ATXN2L: variants seen among roughly 807,000 people sequenced by gnomAD.
The protein encoded by ATXN2L is ataxin-2-like protein.
ATXN2L carries 24 observed loss-of-function variants against 120.7 expected under a neutral mutation model. That is an observed-to-expected ratio of 0.20 (90% CI 0.14 to 0.28). The LOEUF is 0.28. Ranked by LOEUF, ATXN2L falls within the 10% of genes least tolerant of loss-of-function variation. The probability of loss-of-function intolerance (pLI) is 1.00; values close to 1 mark genes in which losing one functional copy is unlikely to be tolerated. For missense variants in ATXN2L, 1,312 were observed against 1,432.3 expected, an observed-to-expected ratio of 0.92 and a Z score of 1.36; for synonymous variants, 653 against 568.1, an observed-to-expected ratio of 1.15 and a Z score of -2.13.
chr16:28,830,270 T>C (rs1460791264), intron 8 of ATXN2L, among the ~76,000 whole-genome samples: 1 of 152,204 alleles, frequency 6.6e-6, no homozygotes, highest in Non-Finnish European at 1.5e-5. Context: ...TCAAAATTTA[T>C]GTGCTATTTC....
chr16:28,830,084 A>G, intron 8 of ATXN2L, 26 bp downstream of exon 8: 5 of 1,592,470 alleles, frequency 3.1e-6, no homozygotes, highest in South Asian at 2.2e-5. Context: ...AGCCAGGACT[A>G]CTTGGGGCTT....
At position 28,823,247 on chromosome 16, in the gene ATXN2L, G is replaced by T; in HGVS notation, c.-13G>T. ...CTCCCTTCTCTCTAATTCCCCTTCCGGACGCTGCCATCATGTTGAAGCCTC... is the reference window on the plus strand; with the variant it reads ...CTCCCTTCTCTCTAATTCCCCTTCCTGACGCTGCCATCATGTTGAAGCCTC... On this transcript the variant is annotated 5_prime_UTR_variant, in exon 1 of 22. Transcript: ENST00000336783. 2 of 1,422,346 alleles carry T rather than the reference G, an allele frequency of 1.4e-6. No homozygotes were observed. Among genetic ancestry groups the T allele is most frequent in the Non-Finnish European group, 9.2e-7 (1 of 1,084,892 alleles). The allele number at this position is 1,422,346 out of a possible 1,614,324, so 88.1% of individuals were successfully genotyped here. A position where few individuals can be genotyped will look rare whatever the true frequency, so the allele number is the denominator to read the frequency against.
chr16:28,823,936 C>T (rs1299499008), intron 1 of ATXN2L: 1 of 264,810 alleles, frequency 3.8e-6, no homozygotes, highest in African/African-American at 2.3e-5. Flanking sequence ...AATGGGGAGT[C>T]TGCTGCGGGA....
intron 8 of ATXN2L, 54 bp downstream of exon 8, chr16:28,830,112 C>T (rs951753180): frequency 3.9e-6 from 6 of 1,531,500 alleles, no homozygotes; most frequent in South Asian, 3.6e-5. Context: ...TATCCTGGGG[C>T]CTGGGCCCAG....
intron 10 of ATXN2L, 90 bp downstream of exon 10, chr16:28,831,162 G>A (rs1199335968): frequency 1.1e-6 from 1 of 928,772 alleles, no homozygotes. Flanking sequence ...TGGAATGGGA[G>A]ATAATTTTAA....
chr16:28,826,431 A>G (rs749282360), intron 5 of ATXN2L, 41 bp downstream of exon 5: 7 of 1,597,556 alleles, frequency 4.4e-6, no homozygotes, highest in African/African-American at 1.3e-5. Flanking sequence ...CTCTGTGTGC[A>G]TAGAGGACAG....
Position 28,832,253 on chromosome 16 carries a change from C to G in ATXN2L, c.1370C>G (p.Pro457Arg). Reference protein sequence around the residue: ...PRSPKSAAPAPISASCPEPPI... With the variant: ...PRSPKSAAPARISASCPEPPI... The stretch of plus-strand genomic sequence containing the variant: ...TCTCCCAAGTCTGCTGCCCCTGCCC[C>G]AATCTCAGCTTCCTGTCCAGAGCCT... Residue 457 changes from proline to arginine, a missense_variant, in exon 11 of 22, where the codon CCA becomes CGA. Transcript: ENST00000336783. 6.2e-7 allele frequency: 1 copy of G among 1,614,192 alleles called. No homozygotes were observed. The highest frequency in any genetic ancestry group is 1.3e-5 in the African/African-American group (1 of 75,040).
chr16:28,823,446 G>T lies in ATXN2L; in HGVS notation c.187G>T (p.Ala63Ser). The T allele has an allele frequency of 7.6e-7, 1 of 1,323,266 alleles. No homozygotes were observed. Among genetic ancestry groups the T allele is most frequent in the Non-Finnish European group, 9.6e-7 (1 of 1,042,912 alleles). 82.0% of individuals were successfully genotyped at this position (1,323,266 alleles called of 1,614,324 possible). A position where few individuals can be genotyped will look rare whatever the true frequency, so the allele number is the denominator to read the frequency against. ...CGCCTCCCCCTGCCTGGGGCCTGTGGCCGCTGCCGGGAGCGGGCTCCGCCG... is the reference window on the plus strand; with the variant it reads ...CGCCTCCCCCTGCCTGGGGCCTGTGTCCGCTGCCGGGAGCGGGCTCCGCCG... ...AAASPCLGPVAAAGSGLRRGA... is the reference protein window; with the variant it reads ...AAASPCLGPVSAAGSGLRRGA... Residue 63 changes from alanine to serine, a missense_variant, in exon 1 of 22, where the codon GCC becomes TCC. Transcript: ENST00000336783.
Position 28,834,673 on chromosome 16 carries a change from A to G in ATXN2L, c.2413A>G (p.Met805Val), listed in dbSNP as rs751709299. Reference protein sequence around the residue: ...FPGQPAMMQPMAHYPSQPVFA... With the variant: ...FPGQPAMMQPVAHYPSQPVFA... The stretch of plus-strand genomic sequence containing the variant: ...AGGCCAGCCAGCCATGATGCAGCCC[A>G]TGGCCCACTACCCCTCACAGGTGAC... The change falls in exon 18 of 22, where the codon ATG becomes GTG. Residue 805 changes from methionine (M) to valine (V), a missense_variant. Met to Val is a conservative substitution (Grantham distance 21, BLOSUM62 1). Coordinates refer to ENST00000336783, the MANE Select transcript of ATXN2L (RefSeq NM_007245.4). 2 of 1,613,376 alleles carry G rather than the reference A, an allele frequency of 1.2e-6. No homozygotes were observed. The highest frequency in any genetic ancestry group is 1.3e-5 in the African/African-American group (1 of 75,038).
In ATXN2L at chr16:28,835,101, C is replaced by T. The variant is rs373039080; in HGVS notation, c.2477C>T (p.Thr826Met). The change falls in exon 19 of 22, where the codon ACG becomes ATG. Residue 826 changes from threonine (T) to methionine (M), a missense_variant. Coordinates refer to ENST00000336783, the MANE Select transcript of ATXN2L (RefSeq NM_007245.4). ...CTTCAGAGCAACCCACGCATGCTGA[C>T]GTCGGGCAGCCATCCCCAGGCCATC... ...PMLQSNPRML[T>M]SGSHPQAIVS... 6.2e-6 allele frequency: 10 copies of T among 1,613,936 alleles called. No individual in the cohort carries two copies. The highest frequency in any genetic ancestry group is 2.2e-5 in the East Asian group (1 of 44,882).
intron 6 of ATXN2L, 130 bp downstream of exon 6, chr16:28,827,116 G>A (rs564654605): frequency 1.9e-5 from 19 of 1,019,220 alleles, no homozygotes; most frequent in Non-Finnish European, 2.5e-5. Context: ...CAAATAGAAA[G>A]GTATAGAAAA....
At position 28,826,293 on chromosome 16, in the gene ATXN2L, C is replaced by G. The variant is rs911714521; in HGVS notation, c.519C>G (p.Gly173=). The change falls in exon 5 of 22, where the codon GGC becomes GGG. Residue 173 remains glycine, a synonymous_variant. Transcript: ENST00000336783. The part of the protein sequence containing the change: ...VHRKASEPAG[G]PRREDIVDTM... Reference sequence around the variant, plus strand: ...GGAAAGCATCTGAGCCAGCAGGTGGCCCTCGTCGGGAGGACATTGTGGACA... The same window carrying G: ...GGAAAGCATCTGAGCCAGCAGGTGGGCCTCGTCGGGAGGACATTGTGGACA... 3.1e-6 allele frequency: 5 copies of G among 1,614,156 alleles called. No individual in the cohort carries two copies. The highest frequency in any genetic ancestry group is 4.2e-6 in the Non-Finnish European group (5 of 1,180,026).
At chr16:28,830,514 G>A (rs1432604817) in intron 8 of ATXN2L, 101 bp from the exon 9 acceptor site, 2 of 1,178,530 alleles carry the variant, frequency 1.7e-6, no homozygotes, top group Non-Finnish European at 2.4e-6. Context: ...GTGTGTGTAT[G>A]TTTGGGGGCA....
chr16:28,836,096 C>A lies in ATXN2L; in HGVS notation c.3059C>A (p.Pro1020His). 6.2e-7 allele frequency: 1 copy of A among 1,614,128 alleles called. No homozygotes were observed. The change falls in exon 22 of 22, where the codon CCC (proline) becomes CAC (histidine). Residue 1020 changes from proline (P) to histidine (H), a missense_variant. Transcript: ENST00000336783. ...GCACTCTCAGCTTCCACACCCTCAC[C>A]CTACCCCTACATCGGACACCCCCAA... ...VPALSASTPS[P>H]YPYIGHPQGE...
At chr16:28,832,069 C>A in intron 10 of ATXN2L, 136 bp from the exon 11 acceptor site, 3 of 898,208 alleles carry the variant, frequency 3.3e-6, no homozygotes, top group Non-Finnish European at 5.0e-6. Context: ...GTGTTACCTG[C>A]CTTGAGCTTC....
In ATXN2L at chr16:28,833,144, A is replaced by G; in HGVS notation, c.1745A>G (p.Glu582Gly). 6.2e-7 allele frequency: 1 copy of G among 1,614,170 alleles called. No individual in the cohort carries two copies. Among genetic ancestry groups the G allele is most frequent in the African/African-American group, 1.3e-5 (1 of 75,032 alleles). The change falls in exon 14 of 22, where the codon GAG becomes GGG. Residue 582 changes from glutamate (E) to glycine (G), a missense_variant. Physicochemically the swap from Glu to Gly is moderately conservative, Grantham distance 98 (BLOSUM62 -2). Coordinates refer to ENST00000336783, the MANE Select transcript of ATXN2L (RefSeq NM_007245.4). The part of the protein sequence containing the change: ...LKEEPKGKEK[E>G]VDGLLTSEPM... ...GAGGAGCCCAAAGGAAAGGAGAAAG[A>G]GGTTGATGGTCTGTTGACTTCAGAG...
chr16:28,830,055 C>A lies in ATXN2L; in HGVS notation c.1031C>A (p.Ser344Tyr). ...GSGRESPSLASREGKYIPLPQ... is the reference protein window; with the variant it reads ...GSGRESPSLAYREGKYIPLPQ... ...GGGCGGGAGAGCCCCAGCTTGGCATCCAGGTGACTGTTGCAAACAGCCAGG... is the reference window on the plus strand; with the variant it reads ...GGGCGGGAGAGCCCCAGCTTGGCATACAGGTGACTGTTGCAAACAGCCAGG... Residue 344 changes from serine to tyrosine, a missense_variant, in exon 8 of 22, where the codon TCC (serine) becomes TAC (tyrosine). Coordinates refer to ENST00000336783, the MANE Select transcript of ATXN2L (RefSeq NM_007245.4). 1 of 1,609,188 alleles carries A rather than the reference C, an allele frequency of 6.2e-7. No individual in the cohort carries two copies. Among genetic ancestry groups the A allele is most frequent in the Non-Finnish European group, 8.5e-7 (1 of 1,176,070 alleles).
At chr16:28,834,728 G>T in intron 18 of ATXN2L, 35 bp downstream of exon 18, 1 of 1,574,512 alleles carries the variant, frequency 6.4e-7, no homozygotes, top group African/African-American at 1.4e-5. Flanking sequence ...GAGGATCCAG[G>T]GCCCCTGCTA....
chr16:28,826,333 C>T lies in ATXN2L; in HGVS notation c.559C>T (p.Pro187Ser). The T allele has an allele frequency of 6.2e-7, 1 of 1,614,150 alleles. No individual in the cohort carries two copies. The highest frequency in any genetic ancestry group is 1.1e-5 in the South Asian group (1 of 91,084). ...CATTGTGGACACCATGGTGTTTAAG[C>T]CAAGTGATGTCATGCTTGTTCACTT... ...EDIVDTMVFK[P>S]SDVMLVHFRN... The change falls in exon 5 of 22, where the codon CCA (proline) becomes TCA (serine). Residue 187 changes from proline to serine, a missense_variant. By Grantham distance (74) the Pro-to-Ser change is moderately conservative (BLOSUM62 -1). Coordinates refer to ENST00000336783, the MANE Select transcript of ATXN2L (RefSeq NM_007245.4).
Sources: gnomAD v4.1 joint callset for allele counts (sites outside exome capture counted in the v4.1 genomes callset) on GRCh38, gnomAD v4.1.1 for gene constraint, MANE v1.5 for transcripts, NCBI Gene and HGNC (gene_info 2026-07-23, HGNC 2026-07-21) for gene names.